The following WDR44 variants were observed in gnomAD, a reference collection of about 807,000 sequenced individuals.
WDR44 encodes WD repeat-containing protein 44.
Under a neutral mutation model 65.7 loss-of-function variants are expected in WDR44, and 9 were observed. The observed-to-expected ratio is 0.14, with a 90% CI of 0.08 to 0.24. The LOEUF (loss-of-function observed/expected upper bound fraction) is 0.24. Among genes scored for constraint, WDR44 ranks in the 10% least tolerant of loss-of-function variants. The pLI, the probability that WDR44 is intolerant of heterozygous loss-of-function variation, is 1.00. For synonymous variants in WDR44, 220 were observed against 235.2 expected, an observed-to-expected ratio of 0.94 and a Z score of 0.59; for missense variants, 425 against 670.9, an observed-to-expected ratio of 0.63 and a Z score of 4.05.
At chrX:118,407,673 T>C (rs2056979683) in intron 10 of WDR44, among the ~76,000 whole-genome samples, 1 of 112,257 alleles carries the variant, frequency 8.9e-6, no homozygotes, top group Non-Finnish European at 1.9e-5. Context: ...TTACAAAATA[T>C]ATCAGAAGCT....
intron 9 of WDR44, 62 bp downstream of exon 9, chrX:118,404,506 C>A: frequency 3.3e-6 from 3 of 895,793 alleles, no homozygotes; most frequent in Non-Finnish European, 4.6e-6. Context: ...CTAAATTTAG[C>A]CTGTAGTTTG....
chrX:118,416,740 T>A (rs1224922671), intron 12 of WDR44, among the ~76,000 whole-genome samples: 1 of 112,019 alleles, frequency 8.9e-6, no homozygotes, highest in East Asian at 2.8e-4. Context: ...GTTGTTTCTT[T>A]GTTGACTTTC....
Position 118,448,887 on chromosome X carries a change from T to C in WDR44, c.2648-6T>C. 1 of 1,153,448 alleles carries C rather than the reference T, an allele frequency of 8.7e-7. No homozygotes were observed. Among genetic ancestry groups the C allele is most frequent in the Non-Finnish European group, 1.2e-6 (1 of 857,168 alleles). On this transcript the variant is annotated splice_polypyrimidine_tract_variant and splice_region_variant and intron_variant, in intron 19 of 19. Transcript: ENST00000254029. ...TCAACTTAAAACTATTTTTTATACT[T>C]TTAAGGTATTATGAAGACAGATAAC...
chrX:118,448,768 G>T, intron 19 of WDR44, 125 bp from the exon 20 acceptor site: 1 of 388,147 alleles, frequency 2.6e-6, no homozygotes, highest in South Asian at 7.1e-5. Context: ...CAGAAAAGGA[G>T]ACTGAAAAGG....
intron 6 of WDR44, among the ~76,000 whole-genome samples, chrX:118,396,475 TAAAAG>T (rs1425258610): frequency 8.9e-6 from 1 of 112,295 alleles, no homozygotes; most frequent in Non-Finnish European, 1.9e-5. Flanking sequence ...TTTTAGCAAT[TAAAAG>T]GAATGAAGGG....
chrX:118,379,644 G>A (rs981579570), intron 2 of WDR44, among the ~76,000 whole-genome samples: 1 of 111,329 alleles, frequency 9.0e-6, no homozygotes, highest in African/African-American at 3.3e-5. Flanking sequence ...TTAGGATATC[G>A]GTCATTCTCT....
intron 1 of WDR44, among the ~76,000 whole-genome samples, chrX:118,373,282 A>C (rs1029804323): frequency 1.8e-5 from 2 of 111,286 alleles, no homozygotes; most frequent in African/African-American, 6.6e-5. Flanking sequence ...ATAATTAAGA[A>C]GGACAATTGT....
intron 1 of WDR44, among the ~76,000 whole-genome samples, chrX:118,368,480 T>TATATATATATATATATATATATATAC (rs1487283299): frequency 1.0e-5 from 1 of 98,615 alleles, no homozygotes; most frequent in South Asian, 4.8e-4. Context: ...TATATATATA[T>TATATATATATATATATATATATATAC]ACTTCTTGAG....
intron 1 of WDR44, among the ~76,000 whole-genome samples, chrX:118,376,621 C>T (rs900422220): frequency 9.0e-6 from 1 of 111,272 alleles, no homozygotes; most frequent in Non-Finnish European, 1.9e-5. Flanking sequence ...ACTAAGTAGC[C>T]TTATGCTTTG....
chrX:118,392,760 C>T lies in WDR44; in HGVS notation c.315C>T (p.Ser105=), dbSNP rs746054430. The T allele has an allele frequency of 4.6e-4, 553 of 1,209,968 alleles. 1 individual carries two copies. The South Asian group carries it at 8.3e-3, about 18-fold the overall frequency. Residue 105 remains serine, a synonymous_variant, in exon 4 of 20, where the codon AGC becomes AGT. Coordinates refer to ENST00000254029, the MANE Select transcript of WDR44 (RefSeq NM_019045.5). ...ASPIVARTDL[S]NIPGLLAIDQ... ...CTATTGTGGCTAGAACAGATCTGAG[C>T]AATATACCCGGACTGTTAGCCATAG... is the stretch of plus-strand genomic sequence containing the variant.
At chrX:118,394,637 G>A (rs1326740704) in intron 5 of WDR44, among the ~76,000 whole-genome samples, 1 of 109,436 alleles carries the variant, frequency 9.1e-6, no homozygotes, top group Non-Finnish European at 1.9e-5. Context: ...CTACACAAAA[G>A]ACTTGATAAC....
rs1025500465 is a variant in WDR44, at chrX:118,390,800, C to T, written c.187-1832C>T. Among the ~76,000 whole-genome samples the T allele has an allele frequency of 3.6e-5, 4 of 111,795 alleles. No individual in the cohort carries two copies. The East Asian group carries it at 1.1e-3, about 31-fold the overall frequency. ...CTACATATTTATTGTTATTTCTTAC[C>T]TTTTTTTCATGTCATCCATCACTGA... On this transcript the variant is annotated intron_variant, in intron 3 of 19. Coordinates refer to ENST00000254029, the MANE Select transcript of WDR44 (RefSeq NM_019045.5).
intron 12 of WDR44, among the ~76,000 whole-genome samples, chrX:118,424,650 G>A (rs1005686316): frequency 9.1e-6 from 1 of 109,976 alleles, no homozygotes; most frequent in African/African-American, 3.3e-5. Flanking sequence ...TCTGTAAGTT[G>A]CCTTTTCATG....
intron 18 of WDR44, 107 bp downstream of exon 18, chrX:118,443,794 C>CAA: frequency 1.1e-6 from 1 of 878,415 alleles, no homozygotes; most frequent in Non-Finnish European, 1.5e-6. Flanking sequence ...CCTGTAATCC[C>CAA]AGCACTTTGG....
At chrX:118,348,544 C>G (rs766953859) in intron 1 of WDR44, among the ~76,000 whole-genome samples, 30 of 111,950 alleles carry the variant, frequency 2.7e-4, no homozygotes, top group Admixed American at 7.6e-4. Flanking sequence ...TTTCAGGGCT[C>G]CTTTCTGTAT....
chrX:118,397,229 T>C (rs2056872974), intron 7 of WDR44, 123 bp downstream of exon 7: 1 of 558,744 alleles, frequency 1.8e-6, no homozygotes, highest in East Asian at 4.3e-5. Context: ...GGAATTAAAA[T>C]AGAGTTAGAT....
At chrX:118,360,654 AC>A (rs1460863986) in intron 1 of WDR44, among the ~76,000 whole-genome samples, 11 of 111,959 alleles carry the variant, frequency 9.8e-5, no homozygotes, top group African/African-American at 3.6e-4. Flanking sequence ...TACCCTGTTC[AC>A]CTCAAGGACC....
At chrX:118,378,735 T>TGTGTGTGTGTGTGTGTGTGTGTGTGTGTG (rs1556057149) in intron 2 of WDR44, among the ~76,000 whole-genome samples, 1 of 106,437 alleles carries the variant, frequency 9.4e-6, no homozygotes, top group East Asian at 3.0e-4. Context: ...TGTGTGTGTG[T>TGTGTGTGTGTGTGTGTGTGTGTGTGTGTG]TGAAAAAGTG....
In WDR44 at chrX:118,444,383, G is replaced by T; in HGVS notation, c.2536G>T (p.Ala846Ser). Reference sequence around the variant, plus strand: ...AGCCCACAATGCAGTTGTTACATCAGCCATCTTTGCACCAAACCCAAGTTT... The same window carrying T: ...AGCCCACAATGCAGTTGTTACATCATCCATCTTTGCACCAAACCCAAGTTT... Reference protein sequence around the residue: ...IKAHNAVVTSAIFAPNPSLML... With the variant: ...IKAHNAVVTSSIFAPNPSLML... The change falls in exon 19 of 20, where the codon GCC becomes TCC. Residue 846 changes from alanine to serine, a missense_variant. Coordinates refer to ENST00000254029, the MANE Select transcript of WDR44 (RefSeq NM_019045.5). The T allele has an allele frequency of 8.3e-7, 1 of 1,209,812 alleles. No individual in the cohort carries two copies.
Sources: gnomAD v4.1 joint callset for allele counts (sites outside exome capture counted in the v4.1 genomes callset) on GRCh38, gnomAD v4.1.1 for gene constraint, MANE v1.5 for transcripts, NCBI Gene and HGNC (gene_info 2026-07-23, HGNC 2026-07-21) for gene names.